TENM1: variants seen among roughly 807,000 people sequenced by gnomAD.
The protein encoded by TENM1 is teneurin transmembrane protein 1.
A neutral mutation model predicts 174.8 loss-of-function variants in TENM1; 35 were observed. The ratio of observed to expected loss-of-function variants is 0.20; its 90% CI spans 0.15 to 0.27. TENM1 has a LOEUF of 0.27. Among genes scored for constraint, TENM1 ranks in the 10% least tolerant of loss-of-function variants. TENM1 has a pLI of 1.00. For synonymous variants in TENM1, 781 were observed against 798.7 expected, an observed-to-expected ratio of 0.98 and a Z score of 0.37; for missense variants, 1,633 against 2,130.1, an observed-to-expected ratio of 0.77 and a Z score of 4.59.
chrX:124,847,947 G>C (rs750397311), intron 3 of TENM1, among the ~76,000 whole-genome samples: 1 of 111,019 alleles, frequency 9.0e-6, no homozygotes, highest in African/African-American at 3.3e-5. Flanking sequence ...AGCTATCAGC[G>C]GGCTTTTTAG....
At chrX:124,520,980 G>T (rs1255952836) in intron 17 of TENM1, among the ~76,000 whole-genome samples, 196 bp from the exon 21 acceptor site, 1 of 111,268 alleles carries the variant, frequency 9.0e-6, no homozygotes, top group Non-Finnish European at 1.9e-5. Flanking sequence ...CACCAAACCT[G>T]AATGGAGACA....
chrX:125,087,212 C>T, the TENM1 span, among the ~76,000 whole-genome samples: 129 of 110,772 alleles, frequency 1.2e-3, no homozygotes, highest in Non-Finnish European at 1.5e-3. Flanking sequence ...TGTCAATTGC[C>T]TCTCTTTACT....
chrX:124,569,196 T>TCAAACAAA (rs199921399), intron 11 of TENM1, among the ~76,000 whole-genome samples: 2,477 of 107,919 alleles, frequency 0.023, 91 homozygotes, highest in African/African-American at 0.077. Flanking sequence ...AGGCCCTGTC[T>TCAAACAAA]CAAACAAACA....
chrX:124,974,902 A>ATATATATATATATATATATAT, the TENM1 span, among the ~76,000 whole-genome samples: 14 of 91,973 alleles, frequency 1.5e-4, no homozygotes, highest in Non-Finnish European at 2.5e-4. Context: ...ATATATATAT[A>ATATATATATATATATATATAT]AAATAATTTT....
intron 3 of TENM1, among the ~76,000 whole-genome samples, chrX:124,789,772 T>C (rs2055136401): frequency 8.9e-6 from 1 of 111,812 alleles, no homozygotes; most frequent in Admixed American, 9.5e-5. Flanking sequence ...TCTAGGGAGT[T>C]CCAAACTTTC....
chrX:124,659,088 T>C (rs890185105), intron 6 of TENM1, among the ~76,000 whole-genome samples: 2 of 112,115 alleles, frequency 1.8e-5, no homozygotes, highest in Non-Finnish European at 3.8e-5. Flanking sequence ...CACGGTGTAA[T>C]ACAAATTACA....
chrX:125,069,733 A>T, the TENM1 span, among the ~76,000 whole-genome samples: 13 of 111,058 alleles, frequency 1.2e-4, no homozygotes, highest in East Asian at 3.7e-3. Flanking sequence ...AAACCTTCAC[A>T]TCCTGCACAT....
chrX:124,837,315 C>T (rs964382267), intron 3 of TENM1, among the ~76,000 whole-genome samples: 1 of 111,971 alleles, frequency 8.9e-6, no homozygotes, highest in African/African-American at 3.3e-5. Context: ...TCTCAAACTC[C>T]TAACTTCAGG....
chrX:124,644,674 TA>T (rs2051111931), intron 10 of TENM1, among the ~76,000 whole-genome samples: 1 of 110,770 alleles, frequency 9.0e-6, no homozygotes, highest in South Asian at 3.8e-4. Context: ...ATGAGGTATG[TA>T]AAAATAAATA....
At chrX:124,450,221 G>A (rs1035358518) in intron 23 of TENM1, among the ~76,000 whole-genome samples, 49 of 110,655 alleles carry the variant, frequency 4.4e-4, no homozygotes, top group African/African-American at 1.5e-3. Context: ...TTAGCCGGGC[G>A]TGATGGCGGG....
At chrX:125,069,283 T>C in the TENM1 span, among the ~76,000 whole-genome samples, 7 of 111,926 alleles carry the variant, frequency 6.3e-5, no homozygotes, top group African/African-American at 2.3e-4. Context: ...TTATTTCACT[T>C]AGGATAATGG....
intron 27 of TENM1, among the ~76,000 whole-genome samples, chrX:124,404,140 C>T (rs1417693591): frequency 1.8e-5 from 2 of 111,478 alleles, no homozygotes; most frequent in African/African-American, 3.3e-5. Flanking sequence ...ATTCCTTTTG[C>T]GGCACCGAAA....
chrX:124,976,227 C>T, the TENM1 span, among the ~76,000 whole-genome samples: 1 of 111,508 alleles, frequency 9.0e-6, no homozygotes, highest in African/African-American at 3.2e-5. Context: ...AACTTTCATC[C>T]ATAATCACAT....
In TENM1 at chrX:124,659,436, G is replaced by T. The variant is rs970942792; in HGVS notation, c.1169-5653C>A. On this transcript the variant is annotated intron_variant, in intron 6 of 31. Transcript: ENST00000422452. ...TTCAGTAAAAGAAACTGTGAGATTT[G>T]TATACTGAGAAACTACAAGACATAA... 2.7e-5 allele frequency among the ~76,000 whole-genome samples: 3 copies of T among 111,879 alleles called. No homozygotes were observed. The Admixed American group carries it at 2.8e-4, about 11-fold the overall frequency.
chrX:124,509,213 T>C (rs772191548), intron 18 of TENM1, among the ~76,000 whole-genome samples: 75 of 111,233 alleles, frequency 6.7e-4, no homozygotes, highest in South Asian at 1.1e-3. Flanking sequence ...GAAAAGCCTC[T>C]TTACCAAGAA....
chrX:124,467,782 A>T lies in TENM1; in HGVS notation c.3949+13950T>A, dbSNP rs748267449. On this transcript the variant is annotated intron_variant, in intron 22 of 31. Coordinates refer to ENST00000422452, the Ensembl canonical transcript of TENM1. The stretch of plus-strand genomic sequence containing the variant: ...TTTGTTTGTTTGTTTGTTTTTTGAC[A>T]GAGTCTCACTCTGTCACCCAGGCTG... 2.7e-5 allele frequency among the ~76,000 whole-genome samples: 3 copies of T among 111,895 alleles called. No homozygotes were observed. The South Asian group carries it at 1.1e-3, about 42-fold the overall frequency.
chrX:125,103,138 A>G, the TENM1 span, among the ~76,000 whole-genome samples: 2 of 112,292 alleles, frequency 1.8e-5, no homozygotes, highest in African/African-American at 3.2e-5. Flanking sequence ...GTTTACAACT[A>G]TAAGGCAAAA....
intron 23 of TENM1, among the ~76,000 whole-genome samples, chrX:124,450,561 A>G (rs1398924446): frequency 9.0e-6 from 1 of 111,578 alleles, no homozygotes; most frequent in Non-Finnish European, 1.9e-5. Flanking sequence ...CAGCGTAAAA[A>G]TGGACTAATA....
the TENM1 span, among the ~76,000 whole-genome samples, chrX:125,166,644 T>A: frequency 6.3e-5 from 7 of 111,775 alleles, no homozygotes; most frequent in Non-Finnish European, 1.3e-4. Context: ...TCTTAATGTG[T>A]CTGTGAAATG....
Sources: allele counts gnomAD v4.1 joint callset (sites outside exome capture counted in the v4.1 genomes callset), GRCh38; gene constraint gnomAD v4.1.1; transcripts MANE v1.5; gene names NCBI Gene and HGNC (gene_info 2026-07-23, HGNC 2026-07-21).